The following PTPRD variants were observed in gnomAD, a reference collection of about 807,000 sequenced individuals.
PTPRD encodes receptor-type tyrosine-protein phosphatase delta.
Under a neutral mutation model 214.5 loss-of-function variants are expected in PTPRD, and 34 were observed. The ratio of observed to expected loss-of-function variants is 0.16; its 90% CI spans 0.12 to 0.21. The LOEUF (loss-of-function observed/expected upper bound fraction) is 0.21. Ranked by LOEUF, PTPRD falls within the 10% of genes least tolerant of loss-of-function variation. The probability of loss-of-function intolerance (pLI) is 1.00; values close to 1 mark genes in which losing one functional copy is unlikely to be tolerated. For missense variants in PTPRD, 2,545 were observed against 2,398.7 expected (o/e 1.06, Z -1.27); for synonymous variants, 1,128 against 845.7 (o/e 1.33, Z -5.79).
intron 3 of PTPRD, among the ~76,000 whole-genome samples, chr9:10,117,012 T>A (rs2098735678): frequency 6.6e-6 from 1 of 152,160 alleles, no homozygotes; most frequent in African/African-American, 2.4e-5. Context: ...TTGCTTCCCT[T>A]ATGCTTCTAA....
In PTPRD at chr9:9,377,432, AAAT is replaced by A. The variant is rs1213473461; in HGVS notation, c.-203+20014_-203+20016del. ...TTGTCAGCAAGTGAGGATCATAGAA[AAAT>A]AATAATATTAATTTGTTGAGAACTT... On this transcript the variant is annotated intron_variant, in intron 9 of 45. Coordinates refer to ENST00000381196, the MANE Select transcript of PTPRD (RefSeq NM_002839.4). Among the ~76,000 whole-genome samples the A allele has an allele frequency of 4.6e-5, 7 of 151,754 alleles. No homozygotes were observed. The East Asian group carries it at 9.7e-4, about 21-fold the overall frequency.
intron 11 of PTPRD, among the ~76,000 whole-genome samples, chr9:8,794,757 A>G (rs1340830173): frequency 6.6e-6 from 1 of 152,182 alleles, no homozygotes; most frequent in Non-Finnish European, 1.5e-5. Context: ...AGAGGAACTT[A>G]ACAAGAAAGA....
At chr9:9,723,812 T>C (rs1351677177) in intron 7 of PTPRD, among the ~76,000 whole-genome samples, 2 of 152,154 alleles carry the variant, frequency 1.3e-5, no homozygotes, top group Non-Finnish European at 2.9e-5. Flanking sequence ...ATTTGGGCTG[T>C]TCATTACGAA....
In PTPRD at chr9:8,423,294, A is replaced by G. The variant is rs186804685; in HGVS notation, c.4086+13298T>C. ...TTTTAACAGAACTAAAAGCTGGAGC[A>G]AAAGCAAACAAAACAATAATAACAA... On this transcript the variant is annotated intron_variant, in intron 35 of 45. Transcript: ENST00000381196. Among the ~76,000 whole-genome samples the G allele has an allele frequency of 3.6e-3, 555 of 152,306 alleles. 2 individuals carry two copies. The highest frequency in any genetic ancestry group is 0.013 in the African/African-American group (532 of 41,588).
intron 5 of PTPRD, among the ~76,000 whole-genome samples, chr9:9,879,369 T>C (rs1388747779): frequency 6.6e-6 from 1 of 152,164 alleles, no homozygotes; most frequent in Non-Finnish European, 1.5e-5. Flanking sequence ...AAAAAATGCC[T>C]CTAGGTAGAA....
At chr9:8,931,423 T>A (rs1355496084) in intron 11 of PTPRD, among the ~76,000 whole-genome samples, 3 of 152,162 alleles carry the variant, frequency 2.0e-5, no homozygotes, top group African/African-American at 7.2e-5. Context: ...TCTTTTGGCT[T>A]AGGATTGACT....
At chr9:9,438,503 T>C (rs933621693) in intron 8 of PTPRD, among the ~76,000 whole-genome samples, 3 of 152,220 alleles carry the variant, frequency 2.0e-5, no homozygotes, top group African/African-American at 7.2e-5. Context: ...GAAAATAATT[T>C]ATATATGTAC....
chr9:9,252,033 C>T (rs755165727), intron 9 of PTPRD, among the ~76,000 whole-genome samples: 2 of 151,980 alleles, frequency 1.3e-5, no homozygotes, highest in Non-Finnish European at 2.9e-5. Flanking sequence ...TTTTATATCT[C>T]GGCAGCTACA....
At chr9:9,373,038 T>G (rs540355647) in intron 9 of PTPRD, among the ~76,000 whole-genome samples, 1 of 152,174 alleles carries the variant, frequency 6.6e-6, no homozygotes, top group African/African-American at 2.4e-5. Flanking sequence ...ACACTCAATG[T>G]TATGTATCTT....
intron 4 of PTPRD, among the ~76,000 whole-genome samples, chr9:10,015,455 C>A (rs888559351): frequency 1.3e-5 from 2 of 152,064 alleles, no homozygotes; most frequent in East Asian, 3.8e-4. Context: ...GAAAGAAACC[C>A]TTTGGGAACA....
intron 3 of PTPRD, among the ~76,000 whole-genome samples, chr9:10,233,880 G>A (rs1387974655): frequency 6.6e-6 from 1 of 151,814 alleles, no homozygotes; most frequent in Non-Finnish European, 1.5e-5. Context: ...GGACTCAGGG[G>A]CAAATCAAAA....
chr9:9,497,498 A>G (rs574923526), intron 8 of PTPRD, among the ~76,000 whole-genome samples: 1 of 152,282 alleles, frequency 6.6e-6, no homozygotes, highest in African/African-American at 2.4e-5. Flanking sequence ...CACAATATTG[A>G]CACGCATTCA....
intron 3 of PTPRD, among the ~76,000 whole-genome samples, chr9:10,337,379 G>C (rs1256509804): frequency 1.3e-5 from 2 of 151,530 alleles, no homozygotes; most frequent in Non-Finnish European, 3.0e-5. Flanking sequence ...TATACCAAAT[G>C]GATTTAGATA....
intron 35 of PTPRD, among the ~76,000 whole-genome samples, chr9:8,408,550 A>G (rs1468932559): frequency 1.3e-5 from 2 of 152,184 alleles, no homozygotes. Context: ...TATTTAAGTA[A>G]AAGTTGATTA....
chr9:8,339,404 T>C (rs932478226), intron 42 of PTPRD, among the ~76,000 whole-genome samples: 1 of 152,088 alleles, frequency 6.6e-6, no homozygotes, highest in Non-Finnish European at 1.5e-5. Flanking sequence ...GCCATGACAA[T>C]AACACATTGC....
chr9:8,448,539 G>A (rs1386631192), intron 34 of PTPRD, among the ~76,000 whole-genome samples: 2 of 152,076 alleles, frequency 1.3e-5, no homozygotes, highest in Non-Finnish European at 2.9e-5. Context: ...GATGACACAA[G>A]TTTGTTCAAT....
intron 11 of PTPRD, among the ~76,000 whole-genome samples, chr9:8,948,149 A>C (rs1300713136): frequency 1.3e-5 from 2 of 150,422 alleles, no homozygotes; most frequent in African/African-American, 2.4e-5. Context: ...TTTCCCGAGT[A>C]GCTGGGACTA....
intron 14 of PTPRD, among the ~76,000 whole-genome samples, chr9:8,529,577 C>A (rs755837815): frequency 1.2e-4 from 19 of 152,216 alleles, no homozygotes; most frequent in Admixed American, 3.9e-4. Flanking sequence ...ATGCAAAATT[C>A]ACTTTTTGCT....
At chr9:10,578,648 G>A (rs891446945) in intron 2 of PTPRD, among the ~76,000 whole-genome samples, 5 of 152,100 alleles carry the variant, frequency 3.3e-5, no homozygotes, top group Non-Finnish European at 5.9e-5. Flanking sequence ...AAATAATTGA[G>A]ATTTTGTCAT....
Sources: gnomAD v4.1 joint callset for allele counts (sites outside exome capture counted in the v4.1 genomes callset) on GRCh38, gnomAD v4.1.1 for gene constraint, MANE v1.5 for transcripts, NCBI Gene and HGNC (gene_info 2026-07-23, HGNC 2026-07-21) for gene names.